FAM149A: variants seen among roughly 807,000 people sequenced by gnomAD.
FAM149A encodes family with sequence similarity 149 member A.
In FAM149A, 71 loss-of-function variants were observed where a neutral mutation model predicts 78.2. That is an observed-to-expected ratio of 0.91 (90% CI 0.75 to 1.11). FAM149A has a LOEUF of 1.11. Among genes scored for constraint, FAM149A ranks in the 50% least tolerant of loss-of-function variants. The probability of loss-of-function intolerance (pLI) is 0.00; values close to 1 mark genes in which losing one functional copy is unlikely to be tolerated. For synonymous variants in FAM149A, 446 were observed against 410.5 expected, an observed-to-expected ratio of 1.09 and a Z score of -1.04; for missense variants, 1,036 against 971.0, an observed-to-expected ratio of 1.07 and a Z score of -0.89.
chr4:186,142,341 A>C (rs948216199), intron 1 of FAM149A, among the ~76,000 whole-genome samples: 2 of 152,160 alleles, frequency 1.3e-5, no homozygotes, highest in East Asian at 3.9e-4. Flanking sequence ...GAAATACCCA[A>C]GCAGAAGCCT....
Position 186,104,871 on chromosome 4 carries a change from G to A in FAM149A, c.-206G>A, listed in dbSNP as rs2099308143. ...GGCGGGGCTGCTCTCCGCAGCCGGG[G>A]CGCTCGGCGGACGGACCCGGGCCGG... On this transcript the variant is annotated 5_prime_UTR_variant, in exon 1 of 14. Coordinates refer to ENST00000389354, the MANE Select transcript of FAM149A (RefSeq NM_001367768.3). 2 of 763,054 alleles carry A rather than the reference G, an allele frequency of 2.6e-6. No individual in the cohort carries two copies. Among genetic ancestry groups the A allele is most frequent in the South Asian group, 1.2e-4 (2 of 16,968 alleles). 47.3% of individuals were successfully genotyped at this position (763,054 alleles called of 1,614,324 possible).
At chr4:186,155,548 T>A (rs1261750328) in intron 6 of FAM149A, among the ~76,000 whole-genome samples, 1 of 151,942 alleles carries the variant, frequency 6.6e-6, no homozygotes, top group African/African-American at 2.4e-5. Context: ...AAAAATATAA[T>A]GAGACAAATT....
intron 1 of FAM149A, among the ~76,000 whole-genome samples, chr4:186,147,288 G>T (rs528718877): frequency 1.3e-5 from 2 of 152,320 alleles, no homozygotes; most frequent in South Asian, 2.1e-4. Flanking sequence ...GAGGCTGAAG[G>T]TGGGAGGATA....
chr4:186,173,519 A>C lies in FAM149A; in HGVS notation c.*1532A>C, dbSNP rs1209999165. ...AGGTGCATGCCACCACACCCAGCTA[A>C]ATTTTTTTTGTATTTTTAGTAGAGG... On this transcript the variant is annotated 3_prime_UTR_variant, in exon 14 of 14. Coordinates refer to ENST00000389354, the MANE Select transcript of FAM149A (RefSeq NM_001367768.3). Among the ~76,000 whole-genome samples, 4 of 110,882 alleles carry C rather than the reference A, an allele frequency of 3.6e-5. 2 individuals are homozygous for C. The East Asian group carries it at 9.0e-4, about 25-fold the overall frequency. The allele number at this position is 110,882 out of a possible 152,430, so 72.7% of individuals were successfully genotyped here. A position where few individuals can be genotyped will look rare whatever the true frequency, so the allele number is the denominator to read the frequency against.
intron 8 of FAM149A, among the ~76,000 whole-genome samples, chr4:186,160,582 CAT>C (rs1162373839): frequency 6.7e-6 from 1 of 149,058 alleles, no homozygotes; most frequent in Non-Finnish European, 1.5e-5. Context: ...CACCACATAT[CAT>C]ACACACACCA....
At chr4:186,160,702 C>G (rs1298510636) in intron 8 of FAM149A, 32 of 721,604 alleles carry the variant, frequency 4.4e-5, no homozygotes, top group Non-Finnish European at 5.4e-5. Flanking sequence ...ACCACACACA[C>G]TACCACACAC....
chr4:186,169,464 C>A, intron 13 of FAM149A: 2 of 985,334 alleles, frequency 2.0e-6, no homozygotes, highest in Non-Finnish European at 2.4e-6. Flanking sequence ...GAGCGGGAGG[C>A]CTAAGTCTTA....
At chr4:186,120,848 C>T (rs374701518) in intron 1 of FAM149A, among the ~76,000 whole-genome samples, 51 of 90,182 alleles carry the variant, frequency 5.7e-4, no homozygotes, top group Non-Finnish European at 6.5e-4. Context: ...AAATAATATT[C>T]TTTTTTTTTT....
chr4:186,161,029 C>T, intron 8 of FAM149A: 1 of 194,420 alleles, frequency 5.1e-6, no homozygotes, highest in Non-Finnish European at 9.4e-6. Flanking sequence ...TAAGTGTTAC[C>T]TTTTGTTATA....
intron 1 of FAM149A, chr4:186,116,385 G>C (rs549996135): frequency 1.3e-6 from 1 of 781,816 alleles, no homozygotes; most frequent in African/African-American, 1.9e-5. Flanking sequence ...CTGTAGACCG[G>C]AGCTGTTCCT....
intron 1 of FAM149A, among the ~76,000 whole-genome samples, chr4:186,120,292 T>C (rs2099315410): frequency 6.6e-6 from 1 of 152,126 alleles, no homozygotes; most frequent in African/African-American, 2.4e-5. Context: ...TAAGAAATTG[T>C]CTAATTCCAC....
intron 8 of FAM149A, chr4:186,160,736 C>T: frequency 1.1e-6 from 1 of 951,980 alleles, no homozygotes; most frequent in East Asian, 1.2e-4. Flanking sequence ...CACCACACCC[C>T]ACACACACCA....
intron 1 of FAM149A, among the ~76,000 whole-genome samples, chr4:186,121,827 G>GGAGTTT (rs1288670846): frequency 6.6e-6 from 1 of 152,150 alleles, no homozygotes; most frequent in Non-Finnish European, 1.5e-5. Flanking sequence ...CTTTTGTGGT[G>GGAGTTT]GAGTTTAACC....
intron 8 of FAM149A, chr4:186,158,118 C>T (rs919992839): frequency 3.8e-6 from 5 of 1,308,990 alleles, no homozygotes; most frequent in Admixed American, 2.2e-5. Context: ...CTGCTGAGGT[C>T]CCTGTCTTGC....
chr4:186,126,691 G>A (rs939055510), intron 1 of FAM149A, among the ~76,000 whole-genome samples: 3 of 152,010 alleles, frequency 2.0e-5, no homozygotes, highest in Non-Finnish European at 4.4e-5. Flanking sequence ...GACCCCCCTG[G>A]TTCTCAGATC....
chr4:186,124,476 A>G (rs1285396918), intron 1 of FAM149A, among the ~76,000 whole-genome samples: 2 of 136,112 alleles, frequency 1.5e-5, no homozygotes, highest in East Asian at 2.2e-4. Flanking sequence ...ATGTGTTCTC[A>G]TTGTTCAGTT....
chr4:186,137,388 T>C (rs934012200), intron 1 of FAM149A, among the ~76,000 whole-genome samples: 1 of 152,072 alleles, frequency 6.6e-6, no homozygotes, highest in Non-Finnish European at 1.5e-5. Flanking sequence ...GCATACCCTG[T>C]CCCTCATGCA....
intron 1 of FAM149A, chr4:186,145,207 G>C: frequency 1.1e-6 from 1 of 945,374 alleles, no homozygotes; most frequent in Non-Finnish European, 1.3e-6. Context: ...GTCTGGCCCG[G>C]GCTTCCCTGC....
In FAM149A at chr4:186,165,557, T is replaced by G; in HGVS notation, c.2010+93T>G. 5.4e-6 allele frequency: 7 copies of G among 1,298,004 alleles called. 1 individual carries two copies. The Middle Eastern group carries it at 5.7e-4, about 107-fold the overall frequency. The allele number at this position is 1,298,004 out of a possible 1,614,324, so 80.4% of individuals were successfully genotyped here. On this transcript the variant is annotated intron_variant, in intron 11 of 13. Coordinates refer to ENST00000389354, the MANE Select transcript of FAM149A (RefSeq NM_001367768.3). ...CCTTGGCACTTCCAAGTGAAATTAGTAACATGAGATCTGAGTAGCTGTATT... is the reference window on the plus strand; with the variant it reads ...CCTTGGCACTTCCAAGTGAAATTAGGAACATGAGATCTGAGTAGCTGTATT...
Sources: gnomAD v4.1 joint callset for allele counts (sites outside exome capture counted in the v4.1 genomes callset) on GRCh38, gnomAD v4.1.1 for gene constraint, MANE v1.5 for transcripts, NCBI Gene and HGNC (gene_info 2026-07-23, HGNC 2026-07-21) for gene names.